AMMECR1: variants seen among roughly 807,000 people sequenced by gnomAD.
AMMECR1 encodes nuclear protein AMMECR1.
Under a neutral mutation model 22.5 loss-of-function variants are expected in AMMECR1, and 3 were observed. That is an observed-to-expected ratio of 0.13 (90% CI 0.06 to 0.35). The LOEUF is 0.35. AMMECR1 is among the 10% of genes least tolerant of loss of function. AMMECR1 has a pLI of 1.00. For synonymous variants in AMMECR1, 130 were observed against 116.7 expected, an observed-to-expected ratio of 1.11 and a Z score of -0.74; for missense variants, 235 against 278.7, an observed-to-expected ratio of 0.84 and a Z score of 1.12.
At chrX:110,203,729 AG>A (rs1458537172) in intron 3 of AMMECR1, among the ~76,000 whole-genome samples, 1 of 111,079 alleles carries the variant, frequency 9.0e-6, no homozygotes, top group African/African-American at 3.3e-5. Flanking sequence ...AGAAGAGGAA[AG>A]GGGGTCAATG....
intron 2 of AMMECR1, among the ~76,000 whole-genome samples, chrX:110,397,385 G>A (rs1451427831): frequency 9.0e-6 from 1 of 110,749 alleles, no homozygotes; most frequent in Middle Eastern, 4.6e-3. Flanking sequence ...AAATCACTGA[G>A]TATTTATTTA....
chrX:110,405,093 C>CG (rs965088651), intron 2 of AMMECR1, among the ~76,000 whole-genome samples: 1 of 99,441 alleles, frequency 1.0e-5, no homozygotes, highest in Non-Finnish European at 2.1e-5. Flanking sequence ...TTGTGTCCCC[C>CG]CCCCCCCCAA....
intron 2 of AMMECR1, among the ~76,000 whole-genome samples, chrX:110,364,473 C>T (rs1181954066): frequency 9.0e-6 from 1 of 111,644 alleles, no homozygotes; most frequent in East Asian, 2.8e-4. Context: ...GCAGGCTGCT[C>T]CCACCAAACA....
chrX:110,216,397 A>G lies in AMMECR1; in HGVS notation c.699+121T>C, dbSNP rs149746420. ...TCAGTTGTGAGGTTTATTCATCCAT[A>G]TTACTCTCGACCTCCATTACAATAG... On this transcript the variant is annotated intron_variant, in intron 3 of 5. Coordinates refer to ENST00000262844, the MANE Select transcript of AMMECR1 (RefSeq NM_015365.3). 843 of 457,009 alleles carry G rather than the reference A, an allele frequency of 1.8e-3. 5 individuals are homozygous for G. The African/African-American group carries it at 0.019, about 11-fold the overall frequency. 37.7% of individuals were successfully genotyped at this position (457,009 alleles called of 1,213,427 possible). A position where few individuals can be genotyped will look rare whatever the true frequency, so the allele number is the denominator to read the frequency against.
At chrX:110,306,189 G>A (rs1177441803) in intron 1 of AMMECR1, among the ~76,000 whole-genome samples, 1 of 107,535 alleles carries the variant, frequency 9.3e-6, no homozygotes, top group African/African-American at 3.4e-5. Flanking sequence ...TAGCTACTCG[G>A]GAGGCTGAGG....
chrX:110,272,564 G>A, intron 1 of AMMECR1, among the ~76,000 whole-genome samples: 1 of 111,899 alleles, frequency 8.9e-6, no homozygotes, highest in East Asian at 2.8e-4. Context: ...TGTTACATGG[G>A]TATACTGTGT....
At chrX:110,280,463 C>G (rs1364371836) in intron 1 of AMMECR1, among the ~76,000 whole-genome samples, 11 of 111,347 alleles carry the variant, frequency 9.9e-5, no homozygotes, top group African/African-American at 3.6e-4. Context: ...AAAAAATGCT[C>G]TAAAGCTGAA....
In AMMECR1 at chrX:110,434,971, C is replaced by T; in HGVS notation, c.-294+4919G>A. Among the ~76,000 whole-genome samples, 3 of 108,419 alleles carry T rather than the reference C, an allele frequency of 2.8e-5. 1 individual carries two copies. In the Middle Eastern group the frequency reaches 0.014, roughly 514 times the overall value. The allele number at this position is 108,419 out of a possible 115,157, so 94.1% of individuals were successfully genotyped here. On this transcript the variant is annotated intron_variant, in intron 1 of 7. Transcript: ENST00000372057. ...CTTCCCAGAAACATCATCCCTTTCCCCTCATGATCATGGTCCTTGTTCCAG... is the reference window on the plus strand; with the variant it reads ...CTTCCCAGAAACATCATCCCTTTCCTCTCATGATCATGGTCCTTGTTCCAG...
chrX:110,339,858 G>A (rs1228493603), intron 2 of AMMECR1, among the ~76,000 whole-genome samples: 1 of 110,956 alleles, frequency 9.0e-6, no homozygotes, highest in Non-Finnish European at 1.9e-5. Context: ...ATCCCTGTAA[G>A]TTACTGCCAT....
In AMMECR1 at chrX:110,434,015, C is replaced by T. The variant is rs760246749; in HGVS notation, c.-294+5875G>A. On this transcript the variant is annotated intron_variant, in intron 1 of 7. Transcript: ENST00000372057. The stretch of plus-strand genomic sequence containing the variant: ...TCCAATAGGTGCTGTGGTAGAGGAA[C>T]GTATCTGGGGAAGTTGAGGAAGTCT... 9.0e-5 allele frequency among the ~76,000 whole-genome samples: 10 copies of T among 111,250 alleles called. No homozygotes were observed. The South Asian group carries it at 3.4e-3, about 38-fold the overall frequency.
intron 3 of AMMECR1, among the ~76,000 whole-genome samples, chrX:110,210,899 C>G (rs2067445050): frequency 9.0e-6 from 1 of 111,447 alleles, no homozygotes; most frequent in Admixed American, 9.5e-5. Flanking sequence ...AGTCCAGGGA[C>G]AGATTTTTGG....
At chrX:110,404,877 T>C (rs903093840) in intron 2 of AMMECR1, among the ~76,000 whole-genome samples, 4 of 111,862 alleles carry the variant, frequency 3.6e-5, no homozygotes, top group African/African-American at 1.3e-4. Context: ...AAATGTGTTA[T>C]ATTAATAACC....
At chrX:110,284,041 G>A (rs754223207) in intron 1 of AMMECR1, among the ~76,000 whole-genome samples, 3 of 111,315 alleles carry the variant, frequency 2.7e-5, no homozygotes, top group Admixed American at 9.5e-5. Context: ...AGAATCAATC[G>A]CATGAACCCA....
intron 3 of AMMECR1, among the ~76,000 whole-genome samples, chrX:110,213,116 A>T (rs2067455904): frequency 8.9e-6 from 1 of 112,338 alleles, no homozygotes. Flanking sequence ...TAAAATACAC[A>T]TAAAATTTGC....
At chrX:110,383,006 G>A (rs1477202782) in intron 2 of AMMECR1, among the ~76,000 whole-genome samples, 1 of 111,869 alleles carries the variant, frequency 8.9e-6, no homozygotes, top group African/African-American at 3.3e-5. Flanking sequence ...GGAATCAAAG[G>A]GTTCCCCTAG....
At chrX:110,389,552 T>C (rs1340411228) in intron 2 of AMMECR1, among the ~76,000 whole-genome samples, 1 of 112,160 alleles carries the variant, frequency 8.9e-6, no homozygotes, top group Non-Finnish European at 1.9e-5. Context: ...GTAAATAAAA[T>C]CTCACACAAT....
chrX:110,369,744 A>T (rs2068324573), intron 2 of AMMECR1, among the ~76,000 whole-genome samples: 1 of 111,918 alleles, frequency 8.9e-6, no homozygotes, highest in Non-Finnish European at 1.9e-5. Flanking sequence ...CATGTGTATA[A>T]TTCATTTTTA....
chrX:110,347,048 T>G, intron 2 of AMMECR1: 1 of 428,368 alleles, frequency 2.3e-6, no homozygotes, highest in African/African-American at 2.4e-5. Flanking sequence ...TGATACAAAC[T>G]TTATAGCAGG....
At chrX:110,321,284 C>G (rs1181895788), upstream of AMMECR1, among the ~76,000 whole-genome samples, 1 of 110,639 alleles carries the variant, frequency 9.0e-6, no homozygotes, top group African/African-American at 3.3e-5. Flanking sequence ...ATAATACCCT[C>G]CAGAGGAAAC....
Sources: allele counts gnomAD v4.1 joint callset (sites outside exome capture counted in the v4.1 genomes callset), GRCh38; gene constraint gnomAD v4.1.1; transcripts MANE v1.5; gene names NCBI Gene and HGNC (gene_info 2026-07-23, HGNC 2026-07-21).